Variants in CCDC171 observed in about 807,000 individuals in gnomAD.
CCDC171 encodes the protein coiled-coil domain containing 171.
CCDC171 carries 177 observed loss-of-function variants against 168.2 expected under a neutral mutation model. That is an observed-to-expected ratio of 1.05 (90% CI 0.93 to 1.19). The LOEUF (loss-of-function observed/expected upper bound fraction) is 1.19, where lower values mean the gene tolerates loss of function less well. Ranked by LOEUF, CCDC171 falls within the 50% of genes most tolerant of loss-of-function variation. The pLI is 0.00. For missense variants in CCDC171, 1,991 were observed against 1,539.0 expected (o/e 1.29, Z -4.91); for synonymous variants, 687 against 540.8 (o/e 1.27, Z -3.75).
chr9:15,612,401 T>C (rs1564049731), intron 6 of CCDC171, among the ~76,000 whole-genome samples: 1 of 152,182 alleles, frequency 6.6e-6, no homozygotes, highest in Non-Finnish European at 1.5e-5. Context: ...GTTTCTGCCA[T>C]TTGTTTTTAT....
chr9:15,651,701 C>G (rs2047537614), intron 7 of CCDC171, among the ~76,000 whole-genome samples: 1 of 151,888 alleles, frequency 6.6e-6, no homozygotes, highest in Admixed American at 6.6e-5. Context: ...TTTTTATGGC[C>G]AAGTAGTATT....
In CCDC171 at chr9:15,727,190, A is replaced by G. The variant is rs139682745; in HGVS notation, c.1693-679A>G. On this transcript the variant is annotated intron_variant, in intron 14 of 25. Transcript: ENST00000380701. Reference sequence around the variant, plus strand: ...GTTACTTTATAATATTTAAACACCTACAAATGCCCAGTGTGCCAAATACTA... The same window carrying G: ...GTTACTTTATAATATTTAAACACCTGCAAATGCCCAGTGTGCCAAATACTA... Among the ~76,000 whole-genome samples, 14 of 152,272 alleles carry G rather than the reference A, an allele frequency of 9.2e-5. No individual in the cohort carries two copies. The East Asian group carries it at 2.7e-3, about 29-fold the overall frequency.
At chr9:15,754,960 T>G (rs928107801) in intron 18 of CCDC171, among the ~76,000 whole-genome samples, 1 of 152,148 alleles carries the variant, frequency 6.6e-6, no homozygotes, top group Non-Finnish European at 1.5e-5. Context: ...GTAATTTAAA[T>G]GTTATATGTA....
chr9:15,709,274 AC>A (rs1423756407), intron 11 of CCDC171, among the ~76,000 whole-genome samples: 1 of 152,212 alleles, frequency 6.6e-6, no homozygotes, highest in African/African-American at 2.4e-5. Flanking sequence ...GTCTAAGGAA[AC>A]TAAAAATAGG....
chr9:15,705,740 T>G (rs2052171174), intron 11 of CCDC171, among the ~76,000 whole-genome samples: 1 of 152,220 alleles, frequency 6.6e-6, no homozygotes, highest in Non-Finnish European at 1.5e-5. Context: ...GAACATTTAT[T>G]ATTATATTTC....
chr9:16,050,049 G>T (rs997811866), intron 1 of CCDC171, among the ~76,000 whole-genome samples: 1 of 152,126 alleles, frequency 6.6e-6, no homozygotes, highest in Non-Finnish European at 1.5e-5. Flanking sequence ...ACCACACCTG[G>T]CTAATTTTTG....
At chr9:15,991,981 T>A (rs73413959) in intron 3 of CCDC171, among the ~76,000 whole-genome samples, 11,702 of 152,100 alleles carry the variant, frequency 0.077, 1,476 homozygotes, top group African/African-American at 0.27. Flanking sequence ...TGGATTCACA[T>A]CCAAATTCTA....
chr9:15,758,507 G>A (rs1176371718), intron 18 of CCDC171, among the ~76,000 whole-genome samples: 1 of 152,184 alleles, frequency 6.6e-6, no homozygotes, highest in East Asian at 1.9e-4. Flanking sequence ...TCTCAGATGA[G>A]ACTTTGGACT....
chr9:15,878,258 A>G (rs1316254025), intron 24 of CCDC171, among the ~76,000 whole-genome samples: 1 of 152,168 alleles, frequency 6.6e-6, no homozygotes, highest in Non-Finnish European at 1.5e-5. Flanking sequence ...TCCAGCACCT[A>G]TAAGGAACTT....
intron 6 of CCDC171, among the ~76,000 whole-genome samples, chr9:15,604,733 CA>C (rs1402018239): frequency 3.3e-5 from 5 of 151,986 alleles, no homozygotes; most frequent in Non-Finnish European, 7.4e-5. Flanking sequence ...GATTGGGGTG[CA>C]ACATATCAAA....
intron 25 of CCDC171, among the ~76,000 whole-genome samples, chr9:15,968,173 G>A (rs555318739): frequency 2.6e-5 from 4 of 152,132 alleles, no homozygotes; most frequent in Non-Finnish European, 5.9e-5. Context: ...AAATAAAAGT[G>A]CTTCCATAAA....
intron 3 of CCDC171, among the ~76,000 whole-genome samples, 168 bp downstream of exon 3, chr9:15,571,927 AGT>A (rs1490870673): frequency 6.6e-6 from 1 of 152,190 alleles, no homozygotes; most frequent in Non-Finnish European, 1.5e-5. Flanking sequence ...TAATTGCATA[AGT>A]GTTAAAGTAG....
intron 2 of CCDC171, among the ~76,000 whole-genome samples, chr9:15,564,900 T>C (rs1431500289): frequency 6.6e-6 from 1 of 152,196 alleles, no homozygotes; most frequent in East Asian, 1.9e-4. Flanking sequence ...AAATAATGCA[T>C]TAAATGTATT....
intron 25 of CCDC171, among the ~76,000 whole-genome samples, chr9:15,927,891 C>T (rs559309411): frequency 1.3e-5 from 2 of 151,806 alleles, no homozygotes; most frequent in East Asian, 3.9e-4. Flanking sequence ...GTTGCTTCCA[C>T]AAACATTCAT....
chr9:15,971,341 A>C (rs1358642343), intron 25 of CCDC171, among the ~76,000 whole-genome samples: 1 of 152,180 alleles, frequency 6.6e-6, no homozygotes, highest in African/African-American at 2.4e-5. Context: ...CTGATATAAT[A>C]ACTTTATAAA....
At chr9:15,639,906 C>T (rs886368722) in intron 7 of CCDC171, among the ~76,000 whole-genome samples, 13 of 152,128 alleles carry the variant, frequency 8.5e-5, no homozygotes, top group Admixed American at 6.5e-4. Context: ...TATCCTTTAG[C>T]GACAAATGAA....
chr9:15,557,078 C>G (rs1586933556), intron 1 of CCDC171, among the ~76,000 whole-genome samples: 1 of 152,220 alleles, frequency 6.6e-6, no homozygotes, highest in East Asian at 1.9e-4. Context: ...TCTGAGGGCT[C>G]TATTCTGTTC....
At chr9:15,631,825 A>G (rs891174654) in intron 7 of CCDC171, among the ~76,000 whole-genome samples, 1 of 152,246 alleles carries the variant, frequency 6.6e-6, no homozygotes, top group African/African-American at 2.4e-5. Flanking sequence ...ATCCACCATG[A>G]TCAAGTGGGC....
intron 6 of CCDC171, among the ~76,000 whole-genome samples, chr9:15,606,409 T>A (rs56144854): frequency 0.029 from 4,402 of 152,304 alleles, 204 homozygotes; most frequent in African/African-American, 0.1. Flanking sequence ...TTCACAATTA[T>A]GATAAATGTT....
Sources: allele counts gnomAD v4.1 joint callset (sites outside exome capture counted in the v4.1 genomes callset), GRCh38; gene constraint gnomAD v4.1.1; transcripts MANE v1.5; gene names NCBI Gene and HGNC (gene_info 2026-07-23, HGNC 2026-07-21).